The following NBAS variants were observed in gnomAD, a reference collection of about 807,000 sequenced individuals.
The protein encoded by NBAS is NBAS subunit of NRZ tethering complex, also known as NAG/BC035112 fusion.
Under a neutral mutation model 302.5 loss-of-function variants are expected in NBAS, and 219 were observed. The ratio of observed to expected loss-of-function variants is 0.72; its 90% CI spans 0.65 to 0.81. The LOEUF (loss-of-function observed/expected upper bound fraction) is 0.81, where lower values mean the gene tolerates loss of function less well. Among genes scored for constraint, NBAS ranks in the 30% least tolerant of loss-of-function variants. The pLI is 0.00. For synonymous variants in NBAS, 1,118 were observed against 1,021.6 expected, an observed-to-expected ratio of 1.09 and a Z score of -1.80; for missense variants, 2,932 against 2,841.6, an observed-to-expected ratio of 1.03 and a Z score of -0.72.
At chr2:14,804,258 T>A in the NBAS span, among the ~76,000 whole-genome samples, 1 of 152,214 alleles carries the variant, frequency 6.6e-6, no homozygotes, top group Non-Finnish European at 1.5e-5. Context: ...TCTCAGAATC[T>A]ATTTAGTGCT....
chr2:15,217,127 C>T (rs1472962424), intron 48 of NBAS, among the ~76,000 whole-genome samples: 10 of 152,194 alleles, frequency 6.6e-5, no homozygotes, highest in Non-Finnish European at 1.0e-4. Flanking sequence ...GCCTTCGTGT[C>T]CCTAGCCTGC....
At chr2:15,229,690 G>C (rs1025686697) in intron 47 of NBAS, among the ~76,000 whole-genome samples, 20 of 151,740 alleles carry the variant, frequency 1.3e-4, no homozygotes, top group Non-Finnish European at 2.4e-4. Flanking sequence ...GCTGAGGCAG[G>C]AGAATTGTTT....
the NBAS span, among the ~76,000 whole-genome samples, chr2:14,807,130 A>G: frequency 6.7e-6 from 1 of 149,288 alleles, no homozygotes; most frequent in Admixed American, 6.6e-5. Context: ...AGGCCCACCA[A>G]TGTAAATATC....
At position 15,275,524 on chromosome 2, in the gene NBAS, A is replaced by G; in HGVS notation, c.5684T>C (p.Val1895Ala). The G allele has an allele frequency of 6.2e-7, 1 of 1,614,102 alleles. No homozygotes were observed. The highest frequency in any genetic ancestry group is 8.5e-7 in the Non-Finnish European group (1 of 1,180,014). Residue 1895 changes from valine (V) to alanine (A), a missense_variant, in exon 44 of 52, where the codon GTG becomes GCG. Coordinates refer to ENST00000281513, the MANE Select transcript of NBAS (RefSeq NM_015909.4). ...TGGAGAAAATGTAACTGCATCTACC[A>G]CAGTGATGAGGTCACCTGGGTGGAG... ...DRLHPGDLIT[V>A]VDAVTFSPKA...
intron 9 of NBAS, among the ~76,000 whole-genome samples, chr2:15,532,362 G>A (rs572065551): frequency 2.4e-4 from 36 of 151,482 alleles, no homozygotes; most frequent in Non-Finnish European, 4.6e-4. Flanking sequence ...GGTGGCAGGC[G>A]CCTATAGTCC....
chr2:14,996,823 C>A, the NBAS span, among the ~76,000 whole-genome samples: 138 of 152,248 alleles, frequency 9.1e-4, no homozygotes, highest in African/African-American at 3.2e-3. Flanking sequence ...GCTGTCACCA[C>A]CCCCTCAATT....
chr2:15,357,860 A>C (rs1056493879), intron 32 of NBAS, among the ~76,000 whole-genome samples: 3 of 152,240 alleles, frequency 2.0e-5, no homozygotes, highest in African/African-American at 7.2e-5. Context: ...GACTGATCAC[A>C]AAACCCACAC....
chr2:15,252,264 C>T (rs1366100957), intron 44 of NBAS, among the ~76,000 whole-genome samples: 2 of 152,058 alleles, frequency 1.3e-5, no homozygotes, highest in East Asian at 1.9e-4. Flanking sequence ...TTTGGGAGGC[C>T]GAGGCGGTTG....
At chr2:15,382,078 AG>A (rs972068686) in intron 29 of NBAS, among the ~76,000 whole-genome samples, 1 of 142,386 alleles carries the variant, frequency 7.0e-6, no homozygotes, top group African/African-American at 2.6e-5. Flanking sequence ...AAAATGAGTT[AG>A]GTCATTTTTT....
the NBAS span, among the ~76,000 whole-genome samples, chr2:14,786,245 A>C: frequency 6.6e-6 from 1 of 151,694 alleles, no homozygotes; most frequent in East Asian, 1.9e-4. Flanking sequence ...GCAGTCTATC[A>C]ATTTTGTTGA....
At chr2:15,012,308 C>T in the NBAS span, among the ~76,000 whole-genome samples, 837 of 151,890 alleles carry the variant, frequency 5.5e-3, 10 homozygotes, top group African/African-American at 0.019. Context: ...ATAGACTATA[C>T]CAAGCAAAAG....
At chr2:15,142,681 C>T in the NBAS span, among the ~76,000 whole-genome samples, 10 of 152,286 alleles carry the variant, frequency 6.6e-5, no homozygotes, top group South Asian at 2.1e-4. Context: ...TCCACGGTGC[C>T]GGCTGTAAAG....
chr2:14,872,679 T>TC, the NBAS span, among the ~76,000 whole-genome samples: 1 of 152,162 alleles, frequency 6.6e-6, no homozygotes, highest in Non-Finnish European at 1.5e-5. Flanking sequence ...TGTTCATTCC[T>TC]CCGGGTGAGT....
chr2:15,097,777 A>T, the NBAS span, among the ~76,000 whole-genome samples: 3 of 150,546 alleles, frequency 2.0e-5, no homozygotes, highest in African/African-American at 7.4e-5. Context: ...TGACAAATGA[A>T]TTTGAGGGGG....
intron 31 of NBAS, among the ~76,000 whole-genome samples, chr2:15,370,932 C>T (rs568257179): frequency 1.1e-4 from 16 of 152,202 alleles, no homozygotes; most frequent in African/African-American, 3.4e-4. Context: ...AGGGAAGGCA[C>T]GATTGGTTTT....
chr2:15,519,538 A>T (rs1662562129), intron 9 of NBAS, among the ~76,000 whole-genome samples: 1 of 152,112 alleles, frequency 6.6e-6, no homozygotes, highest in African/African-American at 2.4e-5. Flanking sequence ...CCCAGGTTCC[A>T]GTGATCTTCG....
chr2:15,286,321 T>G (rs1670041367), intron 42 of NBAS, among the ~76,000 whole-genome samples: 1 of 152,298 alleles, frequency 6.6e-6, no homozygotes, highest in Non-Finnish European at 1.5e-5. Flanking sequence ...GCCAAAGTGA[T>G]CTTATCAAAA....
the NBAS span, among the ~76,000 whole-genome samples, chr2:14,981,953 C>T: frequency 6.6e-6 from 1 of 152,224 alleles, no homozygotes; most frequent in African/African-American, 2.4e-5. Context: ...CAAAAGATGT[C>T]TAATTTCCTC....
intron 9 of NBAS, among the ~76,000 whole-genome samples, chr2:15,530,893 A>AG (rs533126158): frequency 5.9e-5 from 9 of 152,110 alleles, no homozygotes; most frequent in Non-Finnish European, 1.3e-4. Context: ...AGGGGAAAAA[A>AG]AAAGAAAATC....
Sources: allele counts gnomAD v4.1 joint callset (sites outside exome capture counted in the v4.1 genomes callset), GRCh38; gene constraint gnomAD v4.1.1; transcripts MANE v1.5; gene names NCBI Gene and HGNC (gene_info 2026-07-23, HGNC 2026-07-21).